PLEKHH2: variants seen among roughly 807,000 people sequenced by gnomAD.
PLEKHH2 encodes the protein pleckstrin homology, MyTH4 and FERM domain containing H2, also known as pleckstrin homology domain-containing family H member 2.
PLEKHH2 carries 129 observed loss-of-function variants against 187.9 expected under a neutral mutation model. The observed-to-expected ratio is 0.69, with a 90% CI of 0.59 to 0.79. PLEKHH2 has a LOEUF of 0.79. Among genes scored for constraint, PLEKHH2 ranks in the 30% least tolerant of loss-of-function variants. The pLI is 0.00. For missense variants in PLEKHH2, 2,076 were observed against 1,751.2 expected (o/e 1.19, Z -3.31); for synonymous variants, 686 against 605.6 (o/e 1.13, Z -1.95).
In PLEKHH2 at chr2:43,648,610, C is replaced by T. The variant is rs990646792; in HGVS notation, c.123+3814C>T. ...GTGTGTGTGTGTGTGTGACGGGGTC[C>T]CACTCTGTTGCCCAGGCTGGAGTGC... On this transcript the variant is annotated intron_variant, in intron 2 of 29. Coordinates refer to ENST00000282406, the MANE Select transcript of PLEKHH2 (RefSeq NM_172069.4). 1.1e-3 allele frequency among the ~76,000 whole-genome samples: 140 copies of T among 128,846 alleles called. 1 individual carries two copies. The highest frequency in any genetic ancestry group is 2.0e-3 in the South Asian group (8 of 3,908). 84.5% of individuals were successfully genotyped at this position (128,846 alleles called of 152,430 possible).
At chr2:43,674,880 T>C (rs1057467632) in intron 2 of PLEKHH2, among the ~76,000 whole-genome samples, 18 of 151,536 alleles carry the variant, frequency 1.2e-4, no homozygotes, top group Non-Finnish European at 4.4e-5. Context: ...AGCTACTCAG[T>C]AGGCTGAGAT....
chr2:43,679,591 G>T (rs1474211602), intron 3 of PLEKHH2: 5 of 289,262 alleles, frequency 1.7e-5, no homozygotes, highest in South Asian at 2.8e-5. Flanking sequence ...CGCCTCCCGG[G>T]TTCAAGTGAT....
At chr2:43,673,445 A>G (rs1210378422) in intron 2 of PLEKHH2, among the ~76,000 whole-genome samples, 5 of 152,130 alleles carry the variant, frequency 3.3e-5, no homozygotes, top group Non-Finnish European at 7.3e-5. Flanking sequence ...GCTTGAATAT[A>G]TTTTCTTATT....
At chr2:43,759,850 T>G (rs1055589417) in intron 27 of PLEKHH2, among the ~76,000 whole-genome samples, 2 of 152,216 alleles carry the variant, frequency 1.3e-5, no homozygotes, top group Admixed American at 6.5e-5. Flanking sequence ...TCAGGTTACC[T>G]CTCTGGACCT....
intron 7 of PLEKHH2, 58 bp from the exon 8 acceptor site, chr2:43,699,589 T>A: frequency 1.3e-6 from 2 of 1,542,612 alleles, no homozygotes; most frequent in South Asian, 2.5e-5. Context: ...TAAAGCTAAA[T>A]GTACAGAAAG....
chr2:43,755,143 GA>G (rs1463639981), intron 25 of PLEKHH2, among the ~76,000 whole-genome samples: 1 of 152,042 alleles, frequency 6.6e-6, no homozygotes, highest in Admixed American at 6.5e-5. Context: ...AAAGTGCTAG[GA>G]TTACAGGCGT....
At chr2:43,738,044 C>T (rs1313856959) in intron 19 of PLEKHH2, among the ~76,000 whole-genome samples, 1 of 152,176 alleles carries the variant, frequency 6.6e-6, no homozygotes, top group Non-Finnish European at 1.5e-5. Flanking sequence ...CACATGTATT[C>T]TGAAGCTCTG....
intron 1 of PLEKHH2, 115 bp from the exon 2 acceptor site, chr2:43,644,556 A>C (rs1328954121): frequency 2.5e-6 from 2 of 789,356 alleles, no homozygotes; most frequent in Non-Finnish European, 3.7e-6. Flanking sequence ...CTCACTAGAC[A>C]GTGATTATAA....
chr2:43,638,566 C>T (rs1404956773), intron 1 of PLEKHH2, among the ~76,000 whole-genome samples: 2 of 152,044 alleles, frequency 1.3e-5, no homozygotes, highest in East Asian at 1.9e-4. Context: ...TTTTCCTGTC[C>T]CCTGAAGTGA....
intron 15 of PLEKHH2, among the ~76,000 whole-genome samples, chr2:43,720,063 GA>G (rs1670409097): frequency 1.3e-5 from 2 of 152,266 alleles, no homozygotes; most frequent in East Asian, 3.9e-4. Context: ...ATTGCATAGT[GA>G]TTCTGTCAGA....
At position 43,725,053 on chromosome 2, in the gene PLEKHH2, T is replaced by G. The variant is rs373804126; in HGVS notation, c.2542-1219T>G. ...TCCCGAGTGGGTTGCCAATTTGTAGTAAAGATGTCAGGGTTTTTATAAATG... is the reference window on the plus strand; with the variant it reads ...TCCCGAGTGGGTTGCCAATTTGTAGGAAAGATGTCAGGGTTTTTATAAATG... On this transcript the variant is annotated intron_variant, in intron 16 of 29. Coordinates refer to ENST00000282406, the MANE Select transcript of PLEKHH2 (RefSeq NM_172069.4). Among the ~76,000 whole-genome samples the G allele has an allele frequency of 2.6e-5, 4 of 152,250 alleles. No individual in the cohort carries two copies. In the South Asian group the frequency reaches 8.3e-4, roughly 32 times the overall value.
chr2:43,650,203 T>G (rs1223979550), intron 2 of PLEKHH2, among the ~76,000 whole-genome samples: 1 of 143,028 alleles, frequency 7.0e-6, no homozygotes, highest in Non-Finnish European at 1.5e-5. Flanking sequence ...CAGGCTGAAG[T>G]GCAGTGGTGC....
chr2:43,741,165 C>T, intron 21 of PLEKHH2, 122 bp downstream of exon 21: 1 of 823,528 alleles, frequency 1.2e-6, no homozygotes, highest in Non-Finnish European at 1.8e-6. Flanking sequence ...AATATTGGTA[C>T]AGGAAGCCTT....
chr2:43,706,383 C>T lies in PLEKHH2; in HGVS notation c.1788C>T (p.Asn596=), dbSNP rs1390631256. 1 of 1,605,346 alleles carries T rather than the reference C, an allele frequency of 6.2e-7. No individual in the cohort carries two copies. Among genetic ancestry groups the T allele is most frequent in the Non-Finnish European group, 8.5e-7 (1 of 1,172,340 alleles). Residue 596 remains asparagine (N), a synonymous_variant, in exon 10 of 30, where the codon AAC becomes AAT. Coordinates refer to ENST00000282406, the MANE Select transcript of PLEKHH2 (RefSeq NM_172069.4). ...SGLYTSLIYK[N]MTTPVYTTLK... ...TTTATACATCTCTGATATACAAGAACATGACCACCCCAGTGTATACAACTT... is the reference window on the plus strand; with the variant it reads ...TTTATACATCTCTGATATACAAGAATATGACCACCCCAGTGTATACAACTT...
At position 43,762,320 on chromosome 2, in the gene PLEKHH2, C is replaced by T. The variant is rs1023134033; in HGVS notation, c.4088C>T (p.Ser1363Leu). 4 of 1,611,820 alleles carry T rather than the reference C, an allele frequency of 2.5e-6. No individual in the cohort carries two copies. Among genetic ancestry groups the T allele is most frequent in the Admixed American group, 3.3e-5 (2 of 60,022 alleles). The change falls in exon 28 of 30, where the codon TCA (serine) becomes TTA (leucine). Residue 1363 changes from serine to leucine, a missense_variant. Coordinates refer to ENST00000282406, the MANE Select transcript of PLEKHH2 (RefSeq NM_172069.4). ...LFLAKPITPS[S>L]LGSTFLWLAV... ...TCTTCATAGCCCATAACTCCATCAT[C>T]ACTTGGAAGTACTTTCTTGTGGCTG... is the stretch of plus-strand genomic sequence containing the variant.
At position 43,753,618 on chromosome 2, in the gene PLEKHH2, G is replaced by T; in HGVS notation, c.3654-1G>T. 1.4e-6 allele frequency: 2 copies of T among 1,443,124 alleles called. No homozygotes were observed. The highest frequency in any genetic ancestry group is 1.8e-6 in the Non-Finnish European group (2 of 1,091,444). The allele number at this position is 1,443,124 out of a possible 1,614,324, so 89.4% of individuals were successfully genotyped here. On this transcript the variant is annotated splice_acceptor_variant, in intron 24 of 29. Transcript: ENST00000282406. LOFTEE classifies it high-confidence loss of function. Reference sequence around the variant, plus strand: ...GAGAAATTTACTCTTTTTTTTTACAGACTATATTTCTCAGTGCAAGCTCGT... The same window carrying T: ...GAGAAATTTACTCTTTTTTTTTACATACTATATTTCTCAGTGCAAGCTCGT...
chr2:43,717,416 TCAAACAAA>T (rs57980394), intron 15 of PLEKHH2, among the ~76,000 whole-genome samples: 63,310 of 150,682 alleles, frequency 0.42, 13,631 homozygotes, highest in Middle Eastern at 0.46. Context: ...AGACTCCACC[TCAAACAAA>T]CAAACAAACA....
chr2:43,746,729 G>A (rs1671792550), intron 24 of PLEKHH2, among the ~76,000 whole-genome samples: 1 of 151,990 alleles, frequency 6.6e-6, no homozygotes, highest in Non-Finnish European at 1.5e-5. Flanking sequence ...ATGTTTCTTT[G>A]GGAGGCCGAG....
At chr2:43,754,482 G>A (rs927610476) in intron 25 of PLEKHH2, among the ~76,000 whole-genome samples, 3 of 152,148 alleles carry the variant, frequency 2.0e-5, no homozygotes, top group Non-Finnish European at 4.4e-5. Context: ...CTCCATTCAT[G>A]TCTCTCCCAT....
Sources: gnomAD v4.1 joint callset for allele counts (sites outside exome capture counted in the v4.1 genomes callset) on GRCh38, gnomAD v4.1.1 for gene constraint, MANE v1.5 for transcripts, NCBI Gene and HGNC (gene_info 2026-07-23, HGNC 2026-07-21) for gene names.